Variants in ITGA1 observed in about 807,000 individuals in gnomAD.
The protein encoded by ITGA1 is integrin subunit alpha 1, also known as integrin alpha-1.
A neutral mutation model predicts 145.9 loss-of-function variants in ITGA1; 85 were observed. The observed-to-expected ratio is 0.58, with a 90% confidence interval of 0.49 to 0.70. ITGA1 has a LOEUF of 0.70. Ranked by LOEUF, ITGA1 falls within the 30% of genes least tolerant of loss-of-function variation. ITGA1 has a pLI of 0.00. For synonymous variants in ITGA1, 520 were observed against 495.3 expected (o/e 1.05, Z -0.66); for missense variants, 1,351 against 1,418.7 (o/e 0.95, Z 0.77).
At chr5:52,829,403 A>G (rs573079731) in intron 1 of ITGA1, among the ~76,000 whole-genome samples, 17 of 152,230 alleles carry the variant, frequency 1.1e-4, no homozygotes, top group African/African-American at 4.1e-4. Context: ...AACAAAAAGA[A>G]AAAAGAAAAC....
At chr5:52,947,590 C>A in intron 28 of ITGA1, 129 bp downstream of exon 28, 1 of 618,410 alleles carries the variant, frequency 1.6e-6, no homozygotes, top group Non-Finnish European at 2.8e-6. Context: ...GAAATGATGA[C>A]TAAGGGAAAG....
chr5:52,939,963 CT>C lies in ITGA1; in HGVS notation c.3285+20del. On this transcript the variant is annotated intron_variant, in intron 26 of 28. Coordinates refer to ENST00000282588, the MANE Select transcript of ITGA1 (RefSeq NM_181501.2). ...TATAAAAGTAAGTAAATACATAGTT[CT>C]ATGCACTTATTGAATAATATCAATA... 1 of 1,249,506 alleles carries C rather than the reference CT, an allele frequency of 8.0e-7. No homozygotes were observed. Among genetic ancestry groups the C allele is most frequent in the Non-Finnish European group, 1.2e-6 (1 of 847,778 alleles). The allele number at this position is 1,249,506 out of a possible 1,614,324, so 77.4% of individuals were successfully genotyped here.
chr5:52,865,852 A>AC, intron 6 of ITGA1, 35 bp downstream of exon 6: 2 of 1,515,150 alleles, frequency 1.3e-6, no homozygotes, highest in Non-Finnish European at 1.8e-6. Flanking sequence ...CTGTTGTTCT[A>AC]AAGATAAAAA....
Position 52,956,330 on chromosome 5 carries a change from TTAAAA to T in ITGA1, c.*3884_*3888del, listed in dbSNP as rs1751304629. The T allele has an allele frequency of 6.6e-6, 1 of 152,302 alleles. No individual in the cohort carries two copies. Among genetic ancestry groups the T allele is most frequent in the East Asian group, 1.9e-4 (1 of 5,178 alleles). The allele number at this position is 152,302 out of a possible 1,614,324, so 9.4% of individuals were successfully genotyped here. ...TGTGCCAGGTGCAGTCACATTATTG[TTAAAA>T]TAAAGTGGCTTCTGACAAATCAGTT... is the stretch of plus-strand genomic sequence containing the variant. On this transcript the variant is annotated 3_prime_UTR_variant, in exon 29 of 29. Coordinates refer to ENST00000282588, the MANE Select transcript of ITGA1 (RefSeq NM_181501.2).
At chr5:52,860,434 T>C (rs1749580595) in intron 2 of ITGA1, among the ~76,000 whole-genome samples, 1 of 152,136 alleles carries the variant, frequency 6.6e-6, no homozygotes. Context: ...TAGTCCCAGC[T>C]ACTTGGGAGG....
chr5:52,936,502 G>T (rs1296805219), intron 23 of ITGA1, among the ~76,000 whole-genome samples: 1 of 152,132 alleles, frequency 6.6e-6, no homozygotes, highest in Non-Finnish European at 1.5e-5. Context: ...CTTTCCTTGG[G>T]TCTATCTATG....
In ITGA1 at chr5:52,872,575, A is replaced by ATTTTTT. The variant is rs58664401; in HGVS notation, c.624+6771_624+6776dup. Among the ~76,000 whole-genome samples the ATTTTTT allele has an allele frequency of 9.6e-3, 945 of 98,304 alleles. 49 individuals are homozygous for ATTTTTT. The highest frequency in any genetic ancestry group is 0.03 in the East Asian group (68 of 2,292). The allele number at this position is 98,304 out of a possible 152,430, so 64.5% of individuals were successfully genotyped here. On this transcript the variant is annotated intron_variant, in intron 6 of 28. Coordinates refer to ENST00000282588, the MANE Select transcript of ITGA1 (RefSeq NM_181501.2). ...CTTCCCCTTACACCCGCCTCAGTCAATTTTTTTTTTTTTTTTTTGTGGGTG... is the reference window on the plus strand; with the variant it reads ...CTTCCCCTTACACCCGCCTCAGTCAATTTTTTTTTTTTTTTTTTTTTTTTGTGGGTG...
Position 52,829,462 on chromosome 5 carries a change from A to C in ITGA1, c.62-19903A>C, listed in dbSNP as rs147216199. ...TAGGTTTCTGAGTCAAAATATCTGT[A>C]GGTTAAGGAGGAAAAAAAATTCACG... On this transcript the variant is annotated intron_variant, in intron 1 of 28. Transcript: ENST00000282588. Among the ~76,000 whole-genome samples, 784 of 152,292 alleles carry C rather than the reference A, an allele frequency of 5.1e-3. 21 individuals are homozygous for C. Among genetic ancestry groups the C allele is most frequent in the Admixed American group, 0.037 (562 of 15,292 alleles).
At position 52,927,640 on chromosome 5, in the gene ITGA1, TC is replaced by T; in HGVS notation, c.2673del (p.Phe892SerfsTer2). ...ATAATATCACATGTAAAGTTGGATA[TC>T]CCTTCCTGAGAAGAGGAGAGATGGT... ...NHNITCKVGYPFLRRGEMVTF... is the reference protein window; with the variant it reads ...NHNITCKVGYXFLRRGEMVTF... On this transcript the variant is annotated frameshift_variant, in exon 20 of 29. Transcript: ENST00000282588. LOFTEE classifies it high-confidence loss of function. 6.2e-7 allele frequency: 1 copy of T among 1,609,856 alleles called. No individual in the cohort carries two copies.
intron 1 of ITGA1, among the ~76,000 whole-genome samples, chr5:52,843,988 T>C (rs1465575530): frequency 6.6e-6 from 1 of 152,200 alleles, no homozygotes; most frequent in Non-Finnish European, 1.5e-5. Flanking sequence ...CAGAAAGCAC[T>C]GCAGAGCTGT....
At chr5:52,847,308 A>G (rs140136773) in intron 1 of ITGA1, among the ~76,000 whole-genome samples, 2 of 152,302 alleles carry the variant, frequency 1.3e-5, no homozygotes, top group East Asian at 3.9e-4. Context: ...AAATTTAAAG[A>G]TTATAAATTA....
intron 10 of ITGA1, among the ~76,000 whole-genome samples, chr5:52,897,920 G>T (rs1310319050): frequency 6.6e-6 from 1 of 152,122 alleles, no homozygotes; most frequent in Non-Finnish European, 1.5e-5. Context: ...CCAGAATAAA[G>T]TAGAAAGACA....
intron 14 of ITGA1, among the ~76,000 whole-genome samples, chr5:52,911,779 A>ACATATGGTGTATCTAC (rs1319529953): frequency 9.0e-6 from 1 of 111,284 alleles, no homozygotes; most frequent in Non-Finnish European, 2.0e-5. Flanking sequence ...TATATACTAT[A>ACATATGGTGTATCTAC]TATATAGTGT....
At chr5:52,881,771 A>T (rs1359790600) in intron 6 of ITGA1, 102 bp from the exon 7 acceptor site, 2 of 1,064,456 alleles carry the variant, frequency 1.9e-6, no homozygotes, top group East Asian at 4.9e-5. Context: ...AGGTTTGCAA[A>T]CTCATCTGAA....
intron 3 of ITGA1, among the ~76,000 whole-genome samples, chr5:52,862,710 T>C (rs958424852): frequency 6.6e-6 from 1 of 152,164 alleles, no homozygotes; most frequent in Admixed American, 6.5e-5. Flanking sequence ...TTGAAATAGA[T>C]GTATTTGACA....
intron 1 of ITGA1, among the ~76,000 whole-genome samples, chr5:52,828,206 T>C (rs543755721): frequency 3.9e-5 from 6 of 152,212 alleles, no homozygotes; most frequent in Non-Finnish European, 7.3e-5. Context: ...ACTCTATGTG[T>C]AACTTTTTGA....
chr5:52,820,954 T>A lies in ITGA1; in HGVS notation c.62-28411T>A, dbSNP rs1385737963. ...ACTCTCATCTATTTAGTCCTTAATA[T>A]CTCTATCACTAAATGGATAGGTTTC... On this transcript the variant is annotated intron_variant, in intron 1 of 28. Transcript: ENST00000282588. Among the ~76,000 whole-genome samples, 4 of 152,172 alleles carry A rather than the reference T, an allele frequency of 2.6e-5. No homozygotes were observed. In the East Asian group the frequency reaches 7.7e-4, roughly 29 times the overall value.
chr5:52,910,518 C>G (rs1750488598), intron 14 of ITGA1, 99 bp downstream of exon 14: 11 of 1,303,356 alleles, frequency 8.4e-6, no homozygotes, highest in Non-Finnish European at 1.2e-5. Context: ...ATTTCTTCCT[C>G]CTGACCTTAT....
Position 52,940,469 on chromosome 5 carries a change from C to A in ITGA1, c.3285+525C>A, listed in dbSNP as rs368060553. Among the ~76,000 whole-genome samples, 173 of 148,588 alleles carry A rather than the reference C, an allele frequency of 1.2e-3. 2 individuals are homozygous for A. In the South Asian group the frequency reaches 0.027, roughly 23 times the overall value. On this transcript the variant is annotated intron_variant, in intron 26 of 28. Coordinates refer to ENST00000282588, the MANE Select transcript of ITGA1 (RefSeq NM_181501.2). The stretch of plus-strand genomic sequence containing the variant: ...TGTCGCCCAGGCTGGAGTGCAGTGG[C>A]ACGATCTCAGCTCACTGCAAGCTCC...
Sources: gnomAD v4.1 joint callset for allele counts (sites outside exome capture counted in the v4.1 genomes callset) on GRCh38, gnomAD v4.1.1 for gene constraint, MANE v1.5 for transcripts, NCBI Gene and HGNC (gene_info 2026-07-23, HGNC 2026-07-21) for gene names.